Variants in RP1 observed in about 807,000 individuals in gnomAD.
RP1 encodes RP1 axonemal microtubule associated.
RP1 carries 16 observed loss-of-function variants against 14.8 expected under a neutral mutation model. The ratio of observed to expected loss-of-function variants is 1.08; its 90% CI spans 0.73 to 1.65. RP1 has a LOEUF of 1.65. Ranked by LOEUF, RP1 falls within the 40% of genes most tolerant of loss-of-function variation. The probability of loss-of-function intolerance (pLI) is 0.00; values close to 1 mark genes in which losing one functional copy is unlikely to be tolerated. For missense variants in RP1, 2,631 were observed against 2,535.0 expected, an observed-to-expected ratio of 1.04 and a Z score of -0.81; for synonymous variants, 876 against 883.6, an observed-to-expected ratio of 0.99 and a Z score of 0.15.
At chr8:54,719,427 A>G (rs1446169296) in intron 15 of RP1, among the ~76,000 whole-genome samples, 1 of 152,246 alleles carries the variant, frequency 6.6e-6, no homozygotes, top group Non-Finnish European at 1.5e-5. Context: ...AATTTGTATC[A>G]CAAATAAAAT....
intron 25 of RP1, among the ~76,000 whole-genome samples, chr8:54,844,750 G>A (rs779204648): frequency 4.7e-4 from 72 of 152,196 alleles, no homozygotes; most frequent in Admixed American, 1.6e-3. Flanking sequence ...GATACAGCTG[G>A]AAAAATGATA....
intron 19 of RP1, among the ~76,000 whole-genome samples, chr8:54,748,717 T>A (rs1363985484): frequency 6.6e-6 from 1 of 152,166 alleles, no homozygotes; most frequent in African/African-American, 2.4e-5. Context: ...CCATCCACCA[T>A]CCCCAGTATC....
intron 24 of RP1, among the ~76,000 whole-genome samples, chr8:54,795,927 C>T (rs1333639518): frequency 1.3e-5 from 2 of 152,152 alleles, no homozygotes; most frequent in Non-Finnish European, 2.9e-5. Flanking sequence ...AAGTACTAAC[C>T]CATACTCATT....
chr8:54,658,787 T>C (rs141197363), intron 6 of RP1, among the ~76,000 whole-genome samples: 1 of 152,238 alleles, frequency 6.6e-6, no homozygotes, highest in East Asian at 1.9e-4. Context: ...AATTCCATTT[T>C]AAATTTTTTG....
At chr8:54,746,542 G>A (rs991071097) in intron 19 of RP1, among the ~76,000 whole-genome samples, 1 of 152,036 alleles carries the variant, frequency 6.6e-6, no homozygotes, top group South Asian at 2.1e-4. Context: ...AAACAAGATG[G>A]CTATAACTGA....
chr8:54,727,608 A>C (rs549933478), intron 17 of RP1, among the ~76,000 whole-genome samples: 1 of 152,104 alleles, frequency 6.6e-6, no homozygotes, highest in Non-Finnish European at 1.5e-5. Flanking sequence ...GAGGCTGGCC[A>C]AGTAATTTGT....
chr8:54,793,691 C>G (rs1810520006), intron 24 of RP1, among the ~76,000 whole-genome samples: 1 of 151,740 alleles, frequency 6.6e-6, no homozygotes, highest in Admixed American at 6.6e-5. Flanking sequence ...CTAATAAAGA[C>G]CAAATATGAT....
At position 54,590,074 on chromosome 8, in the gene RP1, GCCATTCCACTGTGCTCAGGGT is replaced by G. The variant is rs1364365872; in HGVS notation, c.-13+30757_-13+30777del. ...CTATGAAAGAAGCGTGCCTGCTCCT[GCCATTCCACTGTGCTCAGGGT>G]CCCATTCTCTTTCACCTTCTTAACA... On this transcript the variant is annotated intron_variant, in intron 1 of 22. Coordinates refer to the RP1 transcript ENST00000636932. 3.9e-5 allele frequency among the ~76,000 whole-genome samples: 6 copies of G among 152,264 alleles called. No individual in the cohort carries two copies. In the South Asian group the frequency reaches 1.2e-3, roughly 32 times the overall value.
intron 24 of RP1, among the ~76,000 whole-genome samples, chr8:54,816,004 G>C (rs1053364384): frequency 1.3e-5 from 2 of 152,158 alleles, no homozygotes; most frequent in African/African-American, 4.8e-5. Context: ...GAGCCTTACA[G>C]ATCTCTTACC....
At chr8:54,759,002 A>G in exon 22 of RP1, 1 of 1,535,948 alleles carries the variant, frequency 6.5e-7, no homozygotes, top group Non-Finnish European at 8.7e-7. Context: ...GTGACAAATC[A>G]CAGTACTGGT....
intron 20 of RP1, chr8:54,755,049 T>C (rs1809467483): frequency 8.6e-7 from 1 of 1,159,984 alleles, no homozygotes; most frequent in Non-Finnish European, 1.1e-6. Flanking sequence ...CTAAGAGAGT[T>C]GTTTTACTCT....
chr8:54,844,557 CAT>C (rs1293202386), intron 25 of RP1, among the ~76,000 whole-genome samples: 2 of 152,072 alleles, frequency 1.3e-5, no homozygotes, highest in African/African-American at 2.4e-5. Context: ...TCTGTGTGTG[CAT>C]ATGTGTGTGC....
intron 24 of RP1, among the ~76,000 whole-genome samples, chr8:54,787,269 G>A (rs1442740785): frequency 6.6e-6 from 1 of 152,112 alleles, no homozygotes; most frequent in Non-Finnish European, 1.5e-5. Flanking sequence ...CATTACGGCA[G>A]AAAGTTGGAG....
intron 19 of RP1, among the ~76,000 whole-genome samples, chr8:54,740,942 A>G (rs1316459697): frequency 4.0e-5 from 6 of 151,874 alleles, no homozygotes; most frequent in African/African-American, 1.5e-4. Flanking sequence ...AGGCTGAGGC[A>G]GGAGAATCGC....
intron 19 of RP1, among the ~76,000 whole-genome samples, chr8:54,746,775 C>CT (rs1437060243): frequency 6.6e-6 from 1 of 152,122 alleles, no homozygotes; most frequent in Non-Finnish European, 1.5e-5. Context: ...TAAAAAATCA[C>CT]TTTTTCTCTA....
At chr8:54,750,928 A>C (rs1343188993) in intron 19 of RP1, among the ~76,000 whole-genome samples, 1 of 152,214 alleles carries the variant, frequency 6.6e-6, no homozygotes, top group Non-Finnish European at 1.5e-5. Context: ...AAATAAGGGA[A>C]TAAAAGCTGG....
intron 1 of RP1, among the ~76,000 whole-genome samples, chr8:54,602,178 C>T (rs1056348809): frequency 1.3e-5 from 2 of 152,092 alleles, no homozygotes; most frequent in Non-Finnish European, 2.9e-5. Flanking sequence ...CAGTGCTATC[C>T]CTCCCCTCTT....
intron 3 of RP1, among the ~76,000 whole-genome samples, chr8:54,640,959 CTTTT>C (rs34975591): frequency 1.6e-5 from 2 of 128,372 alleles, no homozygotes. Flanking sequence ...TATAAATCTC[CTTTT>C]TTTTTTTTTT....
At chr8:54,745,420 G>T (rs1164049913) in intron 19 of RP1, among the ~76,000 whole-genome samples, 1 of 152,120 alleles carries the variant, frequency 6.6e-6, no homozygotes, top group Admixed American at 6.6e-5. Context: ...CTATTTTTAG[G>T]ATATGTATTT....
Sources: allele counts gnomAD v4.1 joint callset (sites outside exome capture counted in the v4.1 genomes callset), GRCh38; gene constraint gnomAD v4.1.1; transcripts MANE v1.5; gene names NCBI Gene and HGNC (gene_info 2026-07-23, HGNC 2026-07-21).